Variants in LRRC4C observed in about 807,000 individuals in gnomAD.
LRRC4C encodes the protein leucine rich repeat containing 4C.
Under a neutral mutation model 33.6 loss-of-function variants are expected in LRRC4C, and 5 were observed. The ratio of observed to expected loss-of-function variants is 0.15; its 90% CI spans 0.08 to 0.31. LRRC4C has a LOEUF of 0.31. Among genes scored for constraint, LRRC4C ranks in the 10% least tolerant of loss-of-function variants. The pLI is 1.00. For synonymous variants in LRRC4C, 329 were observed against 302.0 expected (o/e 1.09, Z -0.93); for missense variants, 560 against 796.7 (o/e 0.70, Z 3.58).
At chr11:40,386,333 T>A (rs1326511097) in intron 3 of LRRC4C, among the ~76,000 whole-genome samples, 3 of 152,158 alleles carry the variant, frequency 2.0e-5, no homozygotes, top group African/African-American at 2.4e-5. Flanking sequence ...ACCTTAAGAA[T>A]CAAACCAAAC....
At chr11:40,221,849 A>G (rs1049638560) in intron 5 of LRRC4C, among the ~76,000 whole-genome samples, 4 of 151,998 alleles carry the variant, frequency 2.6e-5, no homozygotes, top group African/African-American at 9.7e-5. Context: ...GACCCTCTCA[A>G]GTGCACCCCC....
At chr11:41,281,126 A>T (rs958799806) in intron 1 of LRRC4C, among the ~76,000 whole-genome samples, 160 of 144,380 alleles carry the variant, frequency 1.1e-3, no homozygotes, top group African/African-American at 4.0e-3. Context: ...ACACACACAC[A>T]CACACACAGA....
intron 2 of LRRC4C, among the ~76,000 whole-genome samples, chr11:40,762,544 C>T (rs1430919987): frequency 6.6e-6 from 1 of 152,024 alleles, no homozygotes; most frequent in East Asian, 1.9e-4. Context: ...ACAGAGTTGC[C>T]ACTGGTTCAT....
intron 2 of LRRC4C, among the ~76,000 whole-genome samples, chr11:40,763,022 T>C (rs2137087008): frequency 6.6e-6 from 1 of 150,788 alleles, no homozygotes; most frequent in Admixed American, 6.6e-5. Context: ...TTTGCAATAT[T>C]ATGGCCATTT....
In LRRC4C at chr11:40,993,523, C is replaced by A. The variant is rs116481948; in HGVS notation, c.-495-59800G>T. 2.2e-3 allele frequency among the ~76,000 whole-genome samples: 339 copies of A among 152,228 alleles called. 2 individuals are homozygous for A. The highest frequency in any genetic ancestry group is 8.0e-3 in the African/African-American group (331 of 41,550). ...AAATAAATGTTTTAATGAAAGGACA[C>A]CTGCATTGAAACTTTTTAGGCACTC... On this transcript the variant is annotated intron_variant, in intron 1 of 6. Coordinates refer to ENST00000528697, the MANE Select transcript of LRRC4C (RefSeq NM_001258419.2).
intron 1 of LRRC4C, chr11:41,394,460 C>G (rs921105027): frequency 2.6e-5 from 4 of 151,862 alleles, no homozygotes; most frequent in Non-Finnish European, 5.9e-5. Context: ...GGGTGACATA[C>G]CTTTCTTTCT....
chr11:41,080,528 T>A (rs531633461), intron 1 of LRRC4C, among the ~76,000 whole-genome samples: 2 of 152,158 alleles, frequency 1.3e-5, no homozygotes, highest in South Asian at 4.2e-4. Flanking sequence ...ATTTTTTGTA[T>A]TTTTAGTAGA....
At chr11:40,648,866 G>C in intron 2 of LRRC4C, among the ~76,000 whole-genome samples, 1 of 152,114 alleles carries the variant, frequency 6.6e-6, no homozygotes, top group East Asian at 1.9e-4. Flanking sequence ...ACAAAGAGAG[G>C]AATTTCACAC....
At chr11:41,144,387 T>G (rs1032393755) in intron 1 of LRRC4C, among the ~76,000 whole-genome samples, 1 of 152,292 alleles carries the variant, frequency 6.6e-6, no homozygotes. Context: ...TTCCTAATAT[T>G]TTTTTCCTGA....
intron 2 of LRRC4C, among the ~76,000 whole-genome samples, chr11:40,853,623 A>G (rs766275658): frequency 3.3e-5 from 5 of 152,292 alleles, no homozygotes; most frequent in Non-Finnish European, 7.4e-5. Flanking sequence ...GACTTGTTCT[A>G]AACTACGAAC....
chr11:40,680,794 A>C (rs1483102757), intron 2 of LRRC4C, among the ~76,000 whole-genome samples: 1 of 152,212 alleles, frequency 6.6e-6, no homozygotes, highest in Non-Finnish European at 1.5e-5. Flanking sequence ...ACACAGGTGT[A>C]AGCAATTTGA....
At chr11:40,212,328 T>C (rs1374350499) in intron 5 of LRRC4C, among the ~76,000 whole-genome samples, 1 of 152,160 alleles carries the variant, frequency 6.6e-6, no homozygotes, top group Non-Finnish European at 1.5e-5. Flanking sequence ...ACAGTGGCTC[T>C]GAAAAACAAA....
At chr11:41,187,015 T>C (rs1164350617) in intron 1 of LRRC4C, among the ~76,000 whole-genome samples, 1 of 152,206 alleles carries the variant, frequency 6.6e-6, no homozygotes, top group East Asian at 1.9e-4. Flanking sequence ...ATCTAAAATG[T>C]ACAAGCAGAG....
chr11:41,312,121 G>T (rs1950659199), intron 1 of LRRC4C, among the ~76,000 whole-genome samples: 1 of 152,098 alleles, frequency 6.6e-6, no homozygotes, highest in Admixed American at 6.6e-5. Flanking sequence ...TGACAAAGTG[G>T]ATGACCAAAA....
At chr11:40,668,561 T>C (rs1943932467) in intron 2 of LRRC4C, among the ~76,000 whole-genome samples, 2 of 152,198 alleles carry the variant, frequency 1.3e-5, no homozygotes, top group Admixed American at 6.5e-5. Context: ...ATCCTGACTC[T>C]TGCTGGACAA....
intron 5 of LRRC4C, among the ~76,000 whole-genome samples, chr11:40,208,778 T>C (rs1863350817): frequency 1.3e-5 from 2 of 152,210 alleles, no homozygotes; most frequent in Admixed American, 6.5e-5. Flanking sequence ...ACTCCTTTAG[T>C]TCCCTATTGA....
chr11:40,965,360 C>G (rs1267027265), intron 1 of LRRC4C, among the ~76,000 whole-genome samples: 1 of 152,058 alleles, frequency 6.6e-6, no homozygotes, highest in Non-Finnish European at 1.5e-5. Flanking sequence ...TGTGCAGAAG[C>G]TCTTTAGTTT....
intron 4 of LRRC4C, among the ~76,000 whole-genome samples, chr11:40,318,847 G>T (rs1028881553): frequency 1.3e-5 from 2 of 152,126 alleles, no homozygotes; most frequent in Admixed American, 1.3e-4. Flanking sequence ...ATAGTCATCT[G>T]CTCTGTGATA....
intron 5 of LRRC4C, among the ~76,000 whole-genome samples, chr11:40,153,360 G>A (rs748646137): frequency 6.6e-6 from 1 of 151,968 alleles, no homozygotes; most frequent in Non-Finnish European, 1.5e-5. Context: ...AACCAACCCT[G>A]GTAATATGAC....
Sources: gnomAD v4.1 joint callset for allele counts (sites outside exome capture counted in the v4.1 genomes callset) on GRCh38, gnomAD v4.1.1 for gene constraint, MANE v1.5 for transcripts, NCBI Gene and HGNC (gene_info 2026-07-23, HGNC 2026-07-21) for gene names.